The following RBFOX2 variants were observed in gnomAD, a reference collection of about 807,000 sequenced individuals.
The protein encoded by RBFOX2 is RNA binding fox-1 homolog 2.
In RBFOX2, 10 loss-of-function variants were observed where a neutral mutation model predicts 49.1. The ratio of observed to expected loss-of-function variants is 0.20; its 90% CI spans 0.13 to 0.35. RBFOX2 has a LOEUF of 0.35. Among genes scored for constraint, RBFOX2 ranks in the 10% least tolerant of loss-of-function variants. The pLI is 1.00. For synonymous variants in RBFOX2, 183 were observed against 187.4 expected (o/e 0.98, Z 0.19); for missense variants, 323 against 486.9 (o/e 0.66, Z 3.17).
chr22:35,873,807 G>T (rs987764701), intron 1 of RBFOX2, among the ~76,000 whole-genome samples: 18 of 151,746 alleles, frequency 1.2e-4, no homozygotes, highest in Admixed American at 7.2e-4. Flanking sequence ...CTCTCATGTA[G>T]CTGGGATTAC....
At chr22:35,929,154 T>C (rs1029739679) in intron 1 of RBFOX2, among the ~76,000 whole-genome samples, 3 of 152,040 alleles carry the variant, frequency 2.0e-5, no homozygotes, top group African/African-American at 7.2e-5. Flanking sequence ...ATTTTATTTT[T>C]GTATTTCTAG....
At chr22:35,997,062 A>C in intron 1 of RBFOX2, 1 of 152,222 alleles carries the variant, frequency 6.6e-6, no homozygotes, top group South Asian at 2.1e-4. Flanking sequence ...CTGGCATTTG[A>C]TACAAACTAA....
At chr22:35,780,735 T>C (rs1944972290) in intron 3 of RBFOX2, among the ~76,000 whole-genome samples, 1 of 152,250 alleles carries the variant, frequency 6.6e-6, no homozygotes. Context: ...GTCTCTATGT[T>C]TATAAATATG....
At chr22:35,798,302 T>C (rs1419628252) in intron 2 of RBFOX2, among the ~76,000 whole-genome samples, 3 of 152,350 alleles carry the variant, frequency 2.0e-5, no homozygotes, top group East Asian at 1.9e-4. Context: ...GGAACTTCTA[T>C]AGGTTCATTG....
At chr22:35,967,807 AC>A (rs1204181957) in intron 1 of RBFOX2, among the ~76,000 whole-genome samples, 1 of 152,222 alleles carries the variant, frequency 6.6e-6, no homozygotes, top group Non-Finnish European at 1.5e-5. Context: ...TAAAATCCGT[AC>A]CATTTACCAC....
At chr22:35,878,178 C>T (rs560156169) in intron 1 of RBFOX2, among the ~76,000 whole-genome samples, 54 of 152,006 alleles carry the variant, frequency 3.6e-4, no homozygotes, top group African/African-American at 1.2e-3. Flanking sequence ...TGGTGGATCC[C>T]CTAAGGTCAA....
chr22:35,935,063 T>G (rs934194226), intron 1 of RBFOX2, among the ~76,000 whole-genome samples: 24 of 152,130 alleles, frequency 1.6e-4, no homozygotes, highest in African/African-American at 4.8e-4. Context: ...GCCTCCCGAG[T>G]AGCTGGGACT....
At chr22:35,829,023 C>G (rs963251026) in intron 1 of RBFOX2, among the ~76,000 whole-genome samples, 1 of 152,166 alleles carries the variant, frequency 6.6e-6, no homozygotes, top group Non-Finnish European at 1.5e-5. Flanking sequence ...TGCACTCCAG[C>G]CTGGGCGACA....
intron 1 of RBFOX2, chr22:35,961,419 A>T (rs2056193239): frequency 1.6e-5 from 13 of 812,438 alleles, no homozygotes; most frequent in Non-Finnish European, 2.1e-5. Context: ...ATTTTTTTTT[A>T]AATCAGGCAT....
chr22:35,846,549 C>A (rs539395890), intron 1 of RBFOX2, among the ~76,000 whole-genome samples: 1 of 151,760 alleles, frequency 6.6e-6, no homozygotes, highest in African/African-American at 2.4e-5. Flanking sequence ...GAGTTCAAGA[C>A]CAGCCTGACC....
intron 1 of RBFOX2, among the ~76,000 whole-genome samples, chr22:35,951,434 G>A (rs568225983): frequency 4.6e-5 from 7 of 151,050 alleles, no homozygotes; most frequent in Admixed American, 6.6e-5. Flanking sequence ...TAGTAGAGAC[G>A]GGGTTTCTCT....
chr22:36,010,599 A>T (rs767130636), intron 1 of RBFOX2, among the ~76,000 whole-genome samples: 23 of 152,260 alleles, frequency 1.5e-4, no homozygotes, highest in Non-Finnish European at 2.9e-5. Context: ...CTATTGCAAA[A>T]GCCAACTCCG....
At chr22:35,942,246 T>C (rs1205777101), upstream of RBFOX2, among the ~76,000 whole-genome samples, 2 of 152,160 alleles carry the variant, frequency 1.3e-5, no homozygotes, top group East Asian at 3.9e-4. Flanking sequence ...CATATGAGAT[T>C]AGCAAAAATG....
chr22:35,958,895 C>T (rs1405339742), intron 1 of RBFOX2, among the ~76,000 whole-genome samples: 1 of 152,082 alleles, frequency 6.6e-6, no homozygotes, highest in Non-Finnish European at 1.5e-5. Context: ...TCTTCATCTT[C>T]TAGCCCTCTT....
chr22:35,748,079 T>C (rs1428926526), intron 9 of RBFOX2: 3 of 152,228 alleles, frequency 2.0e-5, no homozygotes, highest in East Asian at 1.9e-4. Context: ...CTTCCTTATA[T>C]AATTTATGCT....
At chr22:35,801,092 C>A (rs544726090) in intron 2 of RBFOX2, among the ~76,000 whole-genome samples, 42 of 152,124 alleles carry the variant, frequency 2.8e-4, no homozygotes, top group African/African-American at 9.2e-4. Flanking sequence ...CTTAGAATTC[C>A]CCATCTGTAA....
exon 12 of RBFOX2, chr22:35,741,742 C>T (rs1930049315): frequency 6.5e-6 from 1 of 152,720 alleles, no homozygotes; most frequent in African/African-American, 2.4e-5. Context: ...CTGAGATGCA[C>T]TCAAGGTGCC....
intron 1 of RBFOX2, among the ~76,000 whole-genome samples, chr22:35,924,885 G>T (rs569628455): frequency 6.6e-6 from 1 of 152,280 alleles, no homozygotes; most frequent in South Asian, 2.1e-4. Context: ...TACAAAGTAG[G>T]AGGCTGGGCT....
intron 4 of RBFOX2, among the ~76,000 whole-genome samples, chr22:35,769,677 C>A (rs1418369386): frequency 1.3e-5 from 2 of 152,074 alleles, no homozygotes; most frequent in Non-Finnish European, 2.9e-5. Flanking sequence ...AACCCAGAAC[C>A]CTTTAATTTT....
Sources: allele counts gnomAD v4.1 joint callset (sites outside exome capture counted in the v4.1 genomes callset), GRCh38; gene constraint gnomAD v4.1.1; transcripts MANE v1.5; gene names NCBI Gene and HGNC (gene_info 2026-07-23, HGNC 2026-07-21).